The following ST6GALNAC5 variants were observed in gnomAD, a reference collection of about 807,000 sequenced individuals.
ST6GALNAC5 encodes the protein alpha-N-acetylgalactosaminide alpha-2,6-sialyltransferase 5.
A neutral mutation model predicts 33.6 loss-of-function variants in ST6GALNAC5; 27 were observed. The ratio of observed to expected loss-of-function variants is 0.80; its 90% CI spans 0.59 to 1.11. The LOEUF is 1.11. Among genes scored for constraint, ST6GALNAC5 ranks in the 50% least tolerant of loss-of-function variants. The pLI, the probability that ST6GALNAC5 is intolerant of heterozygous loss-of-function variation, is 0.00. For synonymous variants in ST6GALNAC5, 194 were observed against 171.2 expected (o/e 1.13, Z -1.04); for missense variants, 428 against 454.0 (o/e 0.94, Z 0.52).
chr1:76,914,483 C>A (rs1385331792), intron 2 of ST6GALNAC5, among the ~76,000 whole-genome samples: 1 of 152,054 alleles, frequency 6.6e-6, no homozygotes, highest in African/African-American at 2.4e-5. Context: ...GTACTGGTAC[C>A]AAAACAGAGA....
intron 2 of ST6GALNAC5, among the ~76,000 whole-genome samples, chr1:76,871,764 T>C (rs1193162948): frequency 6.6e-6 from 1 of 152,160 alleles, no homozygotes; most frequent in Non-Finnish European, 1.5e-5. Context: ...GTAATTTCAG[T>C]ATCACTAAAT....
chr1:77,035,505 T>C (rs1217318983), intron 2 of ST6GALNAC5, among the ~76,000 whole-genome samples: 9 of 152,094 alleles, frequency 5.9e-5, no homozygotes, highest in Non-Finnish European at 7.3e-5. Flanking sequence ...TCATCTCCTG[T>C]GGCTAGTGGG....
At chr1:76,988,520 T>C (rs903894961) in intron 2 of ST6GALNAC5, among the ~76,000 whole-genome samples, 2 of 152,090 alleles carry the variant, frequency 1.3e-5, no homozygotes, top group African/African-American at 4.8e-5. Flanking sequence ...TATTTCTTCC[T>C]TTTCTCTCCT....
chr1:76,875,586 T>G (rs576321407), intron 2 of ST6GALNAC5, among the ~76,000 whole-genome samples: 3 of 152,148 alleles, frequency 2.0e-5, no homozygotes, highest in Non-Finnish European at 4.4e-5. Context: ...TGTCTCCAGA[T>G]GGCAGCGTTC....
intron 2 of ST6GALNAC5, among the ~76,000 whole-genome samples, chr1:76,945,628 A>C (rs977286401): frequency 6.6e-5 from 10 of 152,264 alleles, no homozygotes; most frequent in Non-Finnish European, 1.0e-4. Context: ...CTTTTCTGGA[A>C]TATATGATAA....
chr1:76,971,428 C>A (rs1056678975), intron 2 of ST6GALNAC5, among the ~76,000 whole-genome samples: 3 of 151,990 alleles, frequency 2.0e-5, no homozygotes, highest in African/African-American at 4.8e-5. Flanking sequence ...TGAGAAACCA[C>A]TAAATATTTG....
At chr1:76,964,550 G>C (rs1379158234) in intron 2 of ST6GALNAC5, among the ~76,000 whole-genome samples, 1 of 151,920 alleles carries the variant, frequency 6.6e-6, no homozygotes, top group Admixed American at 6.6e-5. Flanking sequence ...TGACTGCCTA[G>C]GTATAATTTG....
chr1:76,970,510 A>G (rs900832532), intron 2 of ST6GALNAC5, among the ~76,000 whole-genome samples: 4 of 152,078 alleles, frequency 2.6e-5, no homozygotes, highest in African/African-American at 9.7e-5. Context: ...TAGAGAAAAA[A>G]AGAGTAAAAA....
chr1:76,988,282 T>A (rs1232468389), intron 2 of ST6GALNAC5, among the ~76,000 whole-genome samples: 1 of 152,090 alleles, frequency 6.6e-6, no homozygotes, highest in Non-Finnish European at 1.5e-5. Flanking sequence ...ATATCCTGTA[T>A]CACGTTTTTG....
At chr1:77,016,108 T>C (rs1221354493) in intron 2 of ST6GALNAC5, among the ~76,000 whole-genome samples, 1 of 133,422 alleles carries the variant, frequency 7.5e-6, no homozygotes, top group Non-Finnish European at 1.6e-5. Flanking sequence ...TGCTCCTGTA[T>C]CTCCTCCCTC....
intron 2 of ST6GALNAC5, among the ~76,000 whole-genome samples, chr1:76,949,863 T>A (rs993100389): frequency 1.3e-5 from 2 of 152,150 alleles, no homozygotes; most frequent in Non-Finnish European, 2.9e-5. Flanking sequence ...TCAGTGCAGC[T>A]ACCAAAATGG....
chr1:77,036,505 T>TTAGTG (rs1487717754), intron 2 of ST6GALNAC5, among the ~76,000 whole-genome samples: 1 of 152,242 alleles, frequency 6.6e-6, no homozygotes, highest in Non-Finnish European at 1.5e-5. Context: ...TGCACCTCCC[T>TTAGTG]CTGAAGGTCA....
intron 2 of ST6GALNAC5, among the ~76,000 whole-genome samples, chr1:76,885,620 A>C (rs1653875352): frequency 6.6e-6 from 1 of 152,248 alleles, no homozygotes; most frequent in South Asian, 2.1e-4. Context: ...GTTTGAAACC[A>C]AAATCTATTT....
intron 2 of ST6GALNAC5, among the ~76,000 whole-genome samples, chr1:77,030,107 C>A (rs936940116): frequency 2.0e-5 from 3 of 152,154 alleles, no homozygotes; most frequent in African/African-American, 7.2e-5. Context: ...CTCAATACCT[C>A]CCATTTCTAT....
chr1:76,992,284 A>C (rs947530694), intron 2 of ST6GALNAC5, among the ~76,000 whole-genome samples: 1 of 152,032 alleles, frequency 6.6e-6, no homozygotes, highest in Non-Finnish European at 1.5e-5. Context: ...GCTTCATCTG[A>C]TTTTAGTCAA....
intron 2 of ST6GALNAC5, among the ~76,000 whole-genome samples, chr1:76,941,049 C>T (rs1647321646): frequency 6.6e-6 from 1 of 152,010 alleles, no homozygotes. Context: ...TTGCTGGGCA[C>T]AGCTCTAGTT....
rs58321490 is a variant in ST6GALNAC5 at position 77,028,648 on chromosome 1, T to C, written c.262-15556T>C. On this transcript the variant is annotated intron_variant, in intron 2 of 4. Coordinates refer to ENST00000477717, the MANE Select transcript of ST6GALNAC5 (RefSeq NM_030965.3). ...CAAATGGCTGAGTTTGGTGAAGAAA[T>C]AACTGCAGTGAGTAGTGGGGTTTGC... Among the ~76,000 whole-genome samples, 1,354 of 152,330 alleles carry C rather than the reference T, an allele frequency of 8.9e-3. 16 individuals are homozygous for C. Among genetic ancestry groups the C allele is most frequent in the African/African-American group, 0.028 (1,155 of 41,552 alleles).
intron 2 of ST6GALNAC5, among the ~76,000 whole-genome samples, chr1:76,969,839 G>A (rs1648668546): frequency 6.6e-6 from 1 of 152,130 alleles, no homozygotes; most frequent in South Asian, 2.1e-4. Context: ...AGGAAGGATT[G>A]GGCAGCAATA....
chr1:77,043,745 G>A (rs939514766), intron 2 of ST6GALNAC5, among the ~76,000 whole-genome samples: 2 of 152,178 alleles, frequency 1.3e-5, no homozygotes, highest in African/African-American at 2.4e-5. Context: ...GCAATTTGCA[G>A]GATAGTCTTT....
Sources: gnomAD v4.1 joint callset for allele counts (sites outside exome capture counted in the v4.1 genomes callset) on GRCh38, gnomAD v4.1.1 for gene constraint, MANE v1.5 for transcripts, NCBI Gene and HGNC (gene_info 2026-07-23, HGNC 2026-07-21) for gene names.